The following ARB2A variants were observed in gnomAD, a reference collection of about 807,000 sequenced individuals.
The protein encoded by ARB2A is cotranscriptional regulator ARB2A.
At chr5:93,818,618 TATG>T in the ARB2A span, among the ~76,000 whole-genome samples, 3 of 152,192 alleles carry the variant, frequency 2.0e-5, no homozygotes, top group Admixed American at 6.5e-5. Flanking sequence ...AGGATATTAT[TATG>T]ATGATAATTT....
chr5:93,911,037 C>T, the ARB2A span: 4 of 151,596 alleles, frequency 2.6e-5, no homozygotes, highest in South Asian at 2.1e-4. Context: ...AACATTTCCC[C>T]TGAATCCTCT....
chr5:93,983,571 T>TA, the ARB2A span, among the ~76,000 whole-genome samples: 1 of 152,076 alleles, frequency 6.6e-6, no homozygotes, highest in Non-Finnish European at 1.5e-5. Flanking sequence ...TCCCAACTAA[T>TA]ACATAGAGAG....
the ARB2A span, among the ~76,000 whole-genome samples, chr5:93,902,192 A>G: frequency 3.3e-5 from 5 of 152,104 alleles, no homozygotes; most frequent in Non-Finnish European, 5.9e-5. Context: ...CAAATAAAGG[A>G]AAATTATAAA....
At chr5:94,055,593 G>T in the ARB2A span, 1 of 980,114 alleles carries the variant, frequency 1.0e-6, no homozygotes, top group Non-Finnish European at 1.2e-6. Context: ...AGACAAAAAT[G>T]TCACATATAC....
At chr5:93,743,657 A>C in the ARB2A span, 1 of 532,252 alleles carries the variant, frequency 1.9e-6, no homozygotes, top group Non-Finnish European at 2.4e-6. Context: ...TACTGAAAAC[A>C]GCCATTTTCT....
the ARB2A span, among the ~76,000 whole-genome samples, chr5:93,981,449 A>G: frequency 6.6e-6 from 1 of 152,062 alleles, no homozygotes; most frequent in Non-Finnish European, 1.5e-5. Flanking sequence ...ACTTAATCCT[A>G]ACTCAAAACC....
At chr5:93,934,129 G>A in the ARB2A span, among the ~76,000 whole-genome samples, 3 of 152,086 alleles carry the variant, frequency 2.0e-5, no homozygotes, top group Non-Finnish European at 2.9e-5. Flanking sequence ...AGTTTTATGA[G>A]GAACTATTTT....
At chr5:93,830,464 C>T in the ARB2A span, among the ~76,000 whole-genome samples, 1 of 151,240 alleles carries the variant, frequency 6.6e-6, no homozygotes, top group Admixed American at 6.6e-5. Context: ...GGTATTAACA[C>T]ATAAAGACTT....
At chr5:94,082,359 T>C in the ARB2A span, among the ~76,000 whole-genome samples, 1 of 152,186 alleles carries the variant, frequency 6.6e-6, no homozygotes, top group Non-Finnish European at 1.5e-5. Context: ...TTGATCATTA[T>C]CATAATTGAT....
chr5:93,904,041 T>TA, the ARB2A span, among the ~76,000 whole-genome samples: 1 of 151,750 alleles, frequency 6.6e-6, no homozygotes, highest in Non-Finnish European at 1.5e-5. Context: ...GAAACAGATT[T>TA]AAAAAGAAAT....
the ARB2A span, among the ~76,000 whole-genome samples, chr5:93,817,457 C>T: frequency 6.6e-6 from 1 of 151,998 alleles, no homozygotes; most frequent in Non-Finnish European, 1.5e-5. Context: ...TTTATTTTTG[C>T]AGAAATTAAC....
At chr5:93,811,654 T>TA in the ARB2A span, among the ~76,000 whole-genome samples, 1 of 152,230 alleles carries the variant, frequency 6.6e-6, no homozygotes, top group South Asian at 2.1e-4. Context: ...GTCATACTTT[T>TA]AACGGGAAAA....
chr5:93,908,092 G>A, the ARB2A span, among the ~76,000 whole-genome samples: 1 of 150,982 alleles, frequency 6.6e-6, no homozygotes, highest in Non-Finnish European at 1.5e-5. Context: ...AACCACTTAT[G>A]TGGATTCTAA....
the ARB2A span, among the ~76,000 whole-genome samples, chr5:94,079,669 G>A: frequency 6.6e-6 from 1 of 151,976 alleles, no homozygotes; most frequent in East Asian, 1.9e-4. Context: ...TTGGAGTTTG[G>A]GCAAATTGGA....
the ARB2A span, among the ~76,000 whole-genome samples, chr5:93,746,895 T>C: frequency 3.3e-5 from 5 of 152,320 alleles, no homozygotes; most frequent in East Asian, 1.9e-4. Context: ...TAGTCAGAGA[T>C]AGACAAAGTT....
chr5:93,795,469 G>A, the ARB2A span, among the ~76,000 whole-genome samples: 1 of 152,114 alleles, frequency 6.6e-6, no homozygotes, highest in Non-Finnish European at 1.5e-5. Context: ...AGGGTCTGTG[G>A]ATTCTCTTGG....
chr5:93,901,816 G>T, the ARB2A span, among the ~76,000 whole-genome samples: 1 of 152,000 alleles, frequency 6.6e-6, no homozygotes, highest in East Asian at 1.9e-4. Flanking sequence ...CTATAAATAG[G>T]TATACATGCC....
the ARB2A span, among the ~76,000 whole-genome samples, chr5:93,967,037 A>G: frequency 6.6e-6 from 1 of 152,064 alleles, no homozygotes; most frequent in Admixed American, 6.6e-5. Flanking sequence ...AACATTTTCT[A>G]ATTGCTAAAT....
At chr5:93,786,004 A>C in the ARB2A span, among the ~76,000 whole-genome samples, 1 of 152,172 alleles carries the variant, frequency 6.6e-6, no homozygotes, top group Non-Finnish European at 1.5e-5. Context: ...CTGGCTTATG[A>C]AGAAATTATA....
Sources: gnomAD v4.1 joint callset for allele counts (sites outside exome capture counted in the v4.1 genomes callset) on GRCh38, gnomAD v4.1.1 for gene constraint, MANE v1.5 for transcripts, NCBI Gene and HGNC (gene_info 2026-07-23, HGNC 2026-07-21) for gene names.